The following FOXK1 variants were observed in gnomAD, a reference collection of about 807,000 sequenced individuals.
The protein encoded by FOXK1 is forkhead box protein K1.
A neutral mutation model predicts 51.9 loss-of-function variants in FOXK1; 19 were observed. The observed-to-expected ratio is 0.37, with a 90% CI of 0.26 to 0.54. The LOEUF (loss-of-function observed/expected upper bound fraction) is 0.54, where lower values mean the gene tolerates loss of function less well. Among genes scored for constraint, FOXK1 ranks in the 20% least tolerant of loss-of-function variants. The pLI is 0.87. For synonymous variants in FOXK1, 537 were observed against 482.6 expected, an observed-to-expected ratio of 1.11 and a Z score of -1.48; for missense variants, 870 against 1,032.7, an observed-to-expected ratio of 0.84 and a Z score of 2.16.
chr7:4,740,955 G>A lies in FOXK1; in HGVS notation c.678G>A (p.Lys226=), dbSNP rs767939432. 6.4e-7 allele frequency: 1 copy of A among 1,570,668 alleles called. No individual in the cohort carries two copies. Among genetic ancestry groups the A allele is most frequent in the East Asian group, 2.5e-5 (1 of 39,734 alleles). ...RPLYPQISPL[K]IHIPEPDLRS... is the part of the protein sequence containing the mutation. ...TGTACCCCCAGATCTCCCCTCTGAA[G>A]ATCCACATCCCGGAGCCGGACCTCC... The change falls in exon 2 of 9, where the codon AAG becomes AAA. Residue 226 remains lysine, a synonymous_variant. Transcript: ENST00000328914.
At chr7:4,725,347 G>A (rs182677757) in intron 1 of FOXK1, among the ~76,000 whole-genome samples, 1 of 152,360 alleles carries the variant, frequency 6.6e-6, no homozygotes, top group Non-Finnish European at 1.5e-5. Context: ...GACCGGGGGC[G>A]CTGCTTTTGT....
intron 1 of FOXK1, among the ~76,000 whole-genome samples, chr7:4,740,436 A>G (rs574966678): frequency 4.1e-5 from 6 of 144,682 alleles, no homozygotes; most frequent in African/African-American, 1.3e-4. Context: ...TCTCAAAAAA[A>G]AAAAATAAAT....
intron 1 of FOXK1, among the ~76,000 whole-genome samples, chr7:4,708,659 A>T (rs28709543): frequency 6.6e-6 from 1 of 152,150 alleles, no homozygotes; most frequent in Admixed American, 6.5e-5. Flanking sequence ...TGGCTGCAGC[A>T]GGCGGGAGGC....
chr7:4,755,962 T>A lies in FOXK1; in HGVS notation c.1050+579T>A, dbSNP rs1294435922. On this transcript the variant is annotated intron_variant, in intron 4 of 8. Coordinates refer to ENST00000328914, the MANE Select transcript of FOXK1 (RefSeq NM_001037165.2). The surrounding 1 kb of genome is among the most constrained non-coding windows in gnomAD (Gnocchi z 6.6). ...ACAATCCCACGTTAAGTTGGAAAAA[T>A]GTACCATATACTGTTATTCAAACAA... Among the ~76,000 whole-genome samples the A allele has an allele frequency of 1.3e-5, 2 of 152,164 alleles. No homozygotes were observed. Among genetic ancestry groups the A allele is most frequent in the African/African-American group, 4.8e-5 (2 of 41,444 alleles).
rs1358797197 is a variant in FOXK1, at chr7:4,749,991, G to A, written c.747-4468G>A. ...CCTTCTAGGCCCGGCCCCTGGATGC[G>A]GTGGAGGCTGCCCGGGGTGGGTCAG... On this transcript the variant is annotated intron_variant, in intron 2 of 8. Coordinates refer to ENST00000328914, the MANE Select transcript of FOXK1 (RefSeq NM_001037165.2). The surrounding 1 kb of genome is among the most constrained non-coding windows in gnomAD (Gnocchi z 6.0). Among the ~76,000 whole-genome samples, 3 of 152,226 alleles carry A rather than the reference G, an allele frequency of 2.0e-5. No homozygotes were observed. The highest frequency in any genetic ancestry group is 4.1e-4 in the South Asian group (2 of 4,832).
intron 7 of FOXK1, 138 bp downstream of exon 7, chr7:4,759,733 C>A: frequency 9.3e-7 from 1 of 1,070,070 alleles, no homozygotes; most frequent in Non-Finnish European, 1.3e-6. Flanking sequence ...GCTGCCTTGT[C>A]CCTTTAAATC....
Position 4,761,176 on chromosome 7 carries a change from C to T in FOXK1, c.1809C>T (p.Ile603=). ...APGVPGHTVT[I]LQPATPVTLG... ...GGGTCCCCGGACACACGGTCACCAT[C>T]CTGCAGCCCGCCACACCCGTGACCC... Residue 603 remains isoleucine, a synonymous_variant, in exon 8 of 9, where the codon ATC becomes ATT. Coordinates refer to ENST00000328914, the MANE Select transcript of FOXK1 (RefSeq NM_001037165.2). This position sits in a 1 kb window ranked among gnomAD's most constrained non-coding sequence, Gnocchi z 6.2. 8 of 1,612,770 alleles carry T rather than the reference C, an allele frequency of 5.0e-6. No individual in the cohort carries two copies. The highest frequency in any genetic ancestry group is 6.8e-6 in the Non-Finnish European group (8 of 1,180,014).
rs1780113087 is a variant in FOXK1 at position 4,707,216 on chromosome 7, A to G, written c.560+24348A>G. 6.6e-6 allele frequency among the ~76,000 whole-genome samples: 1 copy of G among 152,106 alleles called. No homozygotes were observed. Among genetic ancestry groups the G allele is most frequent in the Non-Finnish European group, 1.5e-5 (1 of 68,026 alleles). Reference sequence around the variant, plus strand: ...TTGCCCAAACACTAACGGAGAGGGAAGAGGTGCGGGGAGCTCAGGGCGTTC... The same window carrying G: ...TTGCCCAAACACTAACGGAGAGGGAGGAGGTGCGGGGAGCTCAGGGCGTTC... On this transcript the variant is annotated intron_variant, in intron 1 of 8. Coordinates refer to ENST00000328914, the MANE Select transcript of FOXK1 (RefSeq NM_001037165.2). The surrounding 1 kb of genome is among the most constrained non-coding windows in gnomAD (Gnocchi z 4.1).
intron 1 of FOXK1, among the ~76,000 whole-genome samples, chr7:4,688,885 A>G (rs1779855157): frequency 6.6e-6 from 1 of 151,906 alleles, no homozygotes; most frequent in Non-Finnish European, 1.5e-5. Flanking sequence ...TGGTGCACGC[A>G]GAGGTGAAAA....
At position 4,682,964 on chromosome 7, in the gene FOXK1, C is replaced by A. The variant is rs1273526006; in HGVS notation, c.560+96C>A. 2.0e-5 allele frequency: 25 copies of A among 1,253,366 alleles called. No homozygotes were observed. In the East Asian group the frequency reaches 6.8e-4, roughly 34 times the overall value. The allele number at this position is 1,253,366 out of a possible 1,614,324, so 77.6% of individuals were successfully genotyped here. ...CCTGGGGATCCCCCTCCAGCTTCCT[C>A]GGCCTCGACCCCCACCCCCCGGCCC... On this transcript the variant is annotated intron_variant, in intron 1 of 8. Transcript: ENST00000328914. This position sits in a 1 kb window ranked among gnomAD's most constrained non-coding sequence, Gnocchi z 7.6.
At chr7:4,720,370 ACT>A (rs1400693203) in intron 1 of FOXK1, among the ~76,000 whole-genome samples, 2 of 151,218 alleles carry the variant, frequency 1.3e-5, no homozygotes, top group African/African-American at 4.9e-5. Context: ...TGTCCCTGAG[ACT>A]CTTAAGATTT....
At chr7:4,696,936 T>C (rs562539654) in intron 1 of FOXK1, among the ~76,000 whole-genome samples, 2 of 152,230 alleles carry the variant, frequency 1.3e-5, no homozygotes, top group African/African-American at 4.8e-5. Context: ...GGCATGGTGG[T>C]GTGCTCCTGT....
In FOXK1 at chr7:4,733,213, A is replaced by T. The variant is rs867350681; in HGVS notation, c.561-7625A>T. ...TTTAATTTTATTATTTTTTTATTTC[A>T]AGCTGGGTTCTTGCTGTGTTGCCCA... is the stretch of plus-strand genomic sequence containing the variant. On this transcript the variant is annotated intron_variant, in intron 1 of 8. Coordinates refer to ENST00000328914, the MANE Select transcript of FOXK1 (RefSeq NM_001037165.2). The surrounding 1 kb of genome is among the most constrained non-coding windows in gnomAD (Gnocchi z 5.0). 7.3e-5 allele frequency among the ~76,000 whole-genome samples: 11 copies of T among 151,090 alleles called. No individual in the cohort carries two copies. Among genetic ancestry groups the T allele is most frequent in the African/African-American group, 2.7e-4 (11 of 40,976 alleles).
Position 4,762,031 on chromosome 7 carries a change from G to A in FOXK1, c.1922-153G>A, listed in dbSNP as rs935300439. ...AGGTGGGGAGGGGACGGCAGGGCCCGCAGGGAGCAGAGCAAGGGTAGCCGT... is the reference window on the plus strand; with the variant it reads ...AGGTGGGGAGGGGACGGCAGGGCCCACAGGGAGCAGAGCAAGGGTAGCCGT... On this transcript the variant is annotated intron_variant, in intron 8 of 8. Coordinates refer to ENST00000328914, the MANE Select transcript of FOXK1 (RefSeq NM_001037165.2). The surrounding 1 kb of genome is among the most constrained non-coding windows in gnomAD (Gnocchi z 5.7). 1.3e-5 allele frequency among the ~76,000 whole-genome samples: 2 copies of A among 152,036 alleles called. No homozygotes were observed. Among genetic ancestry groups the A allele is most frequent in the African/African-American group, 2.4e-5 (1 of 41,432 alleles).
Position 4,709,484 on chromosome 7 carries a change from C to T in FOXK1, c.560+26616C>T, listed in dbSNP as rs1780147342. Among the ~76,000 whole-genome samples the T allele has an allele frequency of 6.6e-6, 1 of 152,174 alleles. No homozygotes were observed. The highest frequency in any genetic ancestry group is 2.4e-5 in the African/African-American group (1 of 41,430). ...CGAGCAGATCGAGGCTGGCCCACCC[C>T]TGCTGGCCCGCGACCCCTGCTGGCA... is the stretch of plus-strand genomic sequence containing the variant. On this transcript the variant is annotated intron_variant, in intron 1 of 8. Transcript: ENST00000328914. This position sits in a 1 kb window ranked among gnomAD's most constrained non-coding sequence, Gnocchi z 5.6.
chr7:4,743,253 C>T lies in FOXK1; in HGVS notation c.746+2230C>T, dbSNP rs1020910158. 6.6e-6 allele frequency among the ~76,000 whole-genome samples: 1 copy of T among 152,162 alleles called. No individual in the cohort carries two copies. The highest frequency in any genetic ancestry group is 1.5e-5 in the Non-Finnish European group (1 of 68,034). ...TCAATTTTGTGAATATCCTAAAAGT[C>T]ACTTTAAAGAGTGAACTGGCCGGGC... is the stretch of plus-strand genomic sequence containing the variant. On this transcript the variant is annotated intron_variant, in intron 2 of 8. Coordinates refer to ENST00000328914, the MANE Select transcript of FOXK1 (RefSeq NM_001037165.2). The surrounding 1 kb of genome is among the most constrained non-coding windows in gnomAD (Gnocchi z 5.3).
chr7:4,729,868 T>G lies in FOXK1; in HGVS notation c.561-10970T>G, dbSNP rs578156043. 6.6e-6 allele frequency among the ~76,000 whole-genome samples: 1 copy of G among 152,220 alleles called. No individual in the cohort carries two copies. The highest frequency in any genetic ancestry group is 2.1e-4 in the South Asian group (1 of 4,824). On this transcript the variant is annotated intron_variant, in intron 1 of 8. Transcript: ENST00000328914. This position sits in a 1 kb window ranked among gnomAD's most constrained non-coding sequence, Gnocchi z 6.2. Reference sequence around the variant, plus strand: ...AGCCAGGCCTGGTAGTGGGTACCAGTAATCCTAGCTACTCGGGAGGCTGAG... The same window carrying G: ...AGCCAGGCCTGGTAGTGGGTACCAGGAATCCTAGCTACTCGGGAGGCTGAG...
rs1781087355 is a variant in FOXK1 at position 4,770,790 on chromosome 7, G to A, written c.*8326G>A. On this transcript the variant is annotated 3_prime_UTR_variant, in exon 9 of 9. Coordinates refer to ENST00000328914, the MANE Select transcript of FOXK1 (RefSeq NM_001037165.2). ...CAGGAGGGGTTAAAGCCAATATTGA[G>A]TTTTTGTTCTTGTTGTTTTAATCTG... 6.6e-6 allele frequency: 1 copy of A among 150,708 alleles called. No individual in the cohort carries two copies. Among genetic ancestry groups the A allele is most frequent in the South Asian group, 2.1e-4 (1 of 4,748 alleles). The allele number at this position is 150,708 out of a possible 1,614,324, so 9.3% of individuals were successfully genotyped here. A position where few individuals can be genotyped will look rare whatever the true frequency, so the allele number is the denominator to read the frequency against.
rs192764096 is a variant in FOXK1, at chr7:4,711,336, C to T, written c.560+28468C>T. ...GGGAGGCTGGGCGCAGTAATAAACA[C>T]GCCCAGAGTGGAAGGGCTTCCTGTG... On this transcript the variant is annotated intron_variant, in intron 1 of 8. Transcript: ENST00000328914. This position sits in a 1 kb window ranked among gnomAD's most constrained non-coding sequence, Gnocchi z 6.3. Among the ~76,000 whole-genome samples, 43 of 152,160 alleles carry T rather than the reference C, an allele frequency of 2.8e-4. No individual in the cohort carries two copies. Among genetic ancestry groups the T allele is most frequent in the Non-Finnish European group, 8.8e-5 (6 of 68,028 alleles).
Sources: allele counts gnomAD v4.1 joint callset (sites outside exome capture counted in the v4.1 genomes callset), GRCh38; gene constraint gnomAD v4.1.1; non-coding constraint Gnocchi (gnomAD v3.1); transcripts MANE v1.5; gene names NCBI Gene and HGNC (gene_info 2026-07-23, HGNC 2026-07-21).